Variants in ITGBL1 observed in about 807,000 individuals in gnomAD.
ITGBL1 encodes integrin subunit beta like 1.
Under a neutral mutation model 68.5 loss-of-function variants are expected in ITGBL1, and 51 were observed. The ratio of observed to expected loss-of-function variants is 0.74; its 90% CI spans 0.59 to 0.94. The LOEUF is 0.94. ITGBL1 is among the 40% of genes least tolerant of loss of function. The probability of loss-of-function intolerance (pLI) is 0.00; values close to 1 mark genes in which losing one functional copy is unlikely to be tolerated. For missense variants in ITGBL1, 649 were observed against 647.4 expected, an observed-to-expected ratio of 1.00 and a Z score of -0.03; for synonymous variants, 209 against 227.3, an observed-to-expected ratio of 0.92 and a Z score of 0.72.
chr13:101,537,718 T>C (rs1594874129), intron 2 of ITGBL1, among the ~76,000 whole-genome samples: 2 of 152,154 alleles, frequency 1.3e-5, no homozygotes, highest in East Asian at 1.9e-4. Flanking sequence ...TGGATCACAA[T>C]GTATTAAATT....
rs972401350 is a variant in ITGBL1 at position 101,656,154 on chromosome 13, T to A, written c.1016-36431T>A. Among the ~76,000 whole-genome samples the A allele has an allele frequency of 4.6e-5, 7 of 152,138 alleles. 1 individual carries two copies. The highest frequency in any genetic ancestry group is 1.2e-4 in the African/African-American group (5 of 41,436). On this transcript the variant is annotated intron_variant, in intron 7 of 10. Transcript: ENST00000376180. ...ACCTGGGATATATAGAAAGGAAATG[T>A]TCAGATTAAGATAAGAGACTGTGGA...
downstream of ITGBL1, chr13:101,720,439 CTTAAT>C (rs1435987779): frequency 6.6e-6 from 1 of 151,958 alleles, no homozygotes; most frequent in Non-Finnish European, 1.5e-5. Context: ...TAAATCTTGT[CTTAAT>C]TTAAACCAAT....
At position 101,643,516 on chromosome 13, in the gene ITGBL1, A is replaced by G. The variant is rs558118856; in HGVS notation, c.1015+45217A>G. Among the ~76,000 whole-genome samples, 13 of 152,306 alleles carry G rather than the reference A, an allele frequency of 8.5e-5. No individual in the cohort carries two copies. The East Asian group carries it at 2.5e-3, about 29-fold the overall frequency. On this transcript the variant is annotated intron_variant, in intron 7 of 10. Coordinates refer to ENST00000376180, the MANE Select transcript of ITGBL1 (RefSeq NM_004791.3). ...ACAGTCATGTCATCTGCAAACAGGG[A>G]CAAAGAGGAAGGCTTTATGTGTCTT... is the stretch of plus-strand genomic sequence containing the variant.
chr13:101,606,070 A>G (rs1483180783), intron 7 of ITGBL1, among the ~76,000 whole-genome samples: 1 of 129,550 alleles, frequency 7.7e-6, no homozygotes, highest in Non-Finnish European at 1.6e-5. Context: ...TATATATGTG[A>G]TATATATATA....
intron 6 of ITGBL1, among the ~76,000 whole-genome samples, chr13:101,587,890 T>A (rs1323319546): frequency 6.6e-6 from 1 of 152,212 alleles, no homozygotes; most frequent in Admixed American, 6.5e-5. Context: ...CCAAAGCTTT[T>A]CTCTATTGAT....
intron 3 of ITGBL1, among the ~76,000 whole-genome samples, chr13:101,574,812 C>T (rs111861727): frequency 0.012 from 1,753 of 152,066 alleles, 33 homozygotes; most frequent in African/African-American, 0.04. Context: ...GTGGAGGTCC[C>T]CTGAGAATCT....
chr13:101,606,715 G>T (rs894953335), intron 7 of ITGBL1, among the ~76,000 whole-genome samples: 2 of 151,932 alleles, frequency 1.3e-5, no homozygotes, highest in Admixed American at 1.3e-4. Context: ...GCTGGAGATC[G>T]TCTCTGACCC....
intron 7 of ITGBL1, among the ~76,000 whole-genome samples, chr13:101,657,456 A>AT (rs1436042229): frequency 3.3e-5 from 5 of 152,128 alleles, no homozygotes; most frequent in Admixed American, 1.3e-4. Flanking sequence ...CCCATCAAAC[A>AT]TTTTCTTTAA....
intron 7 of ITGBL1, among the ~76,000 whole-genome samples, chr13:101,668,542 C>A (rs1445759326): frequency 2.6e-5 from 4 of 152,104 alleles, no homozygotes; most frequent in Non-Finnish European, 4.4e-5. Context: ...ATTTCAGGTT[C>A]CTACTTGGGT....
intron 7 of ITGBL1, among the ~76,000 whole-genome samples, chr13:101,617,008 A>T (rs1043329293): frequency 6.6e-6 from 1 of 152,196 alleles, no homozygotes; most frequent in Non-Finnish European, 1.5e-5. Flanking sequence ...AGGAGTCCAT[A>T]GCTTCTTTGG....
rs1267695682 is a variant in ITGBL1, at chr13:101,604,107, GA to G, written c.1015+5811del. 4.6e-5 allele frequency among the ~76,000 whole-genome samples: 7 copies of G among 151,798 alleles called. No individual in the cohort carries two copies. In the East Asian group the frequency reaches 1.4e-3, roughly 29 times the overall value. ...GTTAAAAATGTCAAACCATATAATA[GA>G]AAGATAAGAAAAGCATACAAAATAG... On this transcript the variant is annotated intron_variant, in intron 7 of 10. Transcript: ENST00000376180.
chr13:101,534,612 A>T (rs1443559823), intron 2 of ITGBL1, among the ~76,000 whole-genome samples: 1 of 152,150 alleles, frequency 6.6e-6, no homozygotes, highest in Non-Finnish European at 1.5e-5. Flanking sequence ...ATCTTAGTTC[A>T]TGATGGCCTC....
intron 2 of ITGBL1, among the ~76,000 whole-genome samples, chr13:101,541,175 A>G (rs1325922732): frequency 6.7e-6 from 1 of 149,936 alleles, no homozygotes; most frequent in Non-Finnish European, 1.5e-5. Context: ...ATTCAGTATG[A>G]TATTGGCTGT....
intron 2 of ITGBL1, among the ~76,000 whole-genome samples, chr13:101,548,993 A>G (rs2049875266): frequency 6.6e-6 from 1 of 151,920 alleles, no homozygotes; most frequent in African/African-American, 2.4e-5. Context: ...TTAAAAATAC[A>G]TTATTACACT....
chr13:101,560,373 A>C (rs1233728884), intron 2 of ITGBL1, among the ~76,000 whole-genome samples: 2 of 152,238 alleles, frequency 1.3e-5, no homozygotes, highest in African/African-American at 2.4e-5. Flanking sequence ...AAGTGTTCAA[A>C]TTAAAATACC....
At chr13:101,471,544 G>A (rs7995547) in intron 2 of ITGBL1, among the ~76,000 whole-genome samples, 9,086 of 77,122 alleles carry the variant, frequency 0.12, 327 homozygotes, top group South Asian at 0.24. Flanking sequence ...GTGTGTGTGT[G>A]TGTGTGTGTG....
At position 101,489,934 on chromosome 13, in the gene ITGBL1, A is replaced by C. The variant is rs190424854; in HGVS notation, c.316+35834A>C. 4 of 1,486,112 alleles carry C rather than the reference A, an allele frequency of 2.7e-6. No homozygotes were observed. In the African/African-American group the frequency reaches 5.5e-5, roughly 21 times the overall value. The allele number at this position is 1,486,112 out of a possible 1,614,324, so 92.1% of individuals were successfully genotyped here. A position where few individuals can be genotyped will look rare whatever the true frequency, so the allele number is the denominator to read the frequency against. ...TGCTAGCTTTTAGAACAAGCAGAAA[A>C]CAAAATATTTTTACTTTAAACTTTG... On this transcript the variant is annotated intron_variant, in intron 2 of 10. Coordinates refer to ENST00000376180, the MANE Select transcript of ITGBL1 (RefSeq NM_004791.3).
chr13:101,702,828 G>C (rs2034165977), intron 8 of ITGBL1, among the ~76,000 whole-genome samples: 1 of 152,080 alleles, frequency 6.6e-6, no homozygotes, highest in Non-Finnish European at 1.5e-5. Context: ...ACTCTTTAAG[G>C]ACATCTGGAC....
chr13:101,472,423 G>A (rs568727011), intron 2 of ITGBL1, among the ~76,000 whole-genome samples: 61 of 152,154 alleles, frequency 4.0e-4, no homozygotes, highest in African/African-American at 1.3e-3. Context: ...ATTTTCGTGC[G>A]TTTTCTACCT....
Sources: gnomAD v4.1 joint callset for allele counts (sites outside exome capture counted in the v4.1 genomes callset) on GRCh38, gnomAD v4.1.1 for gene constraint, MANE v1.5 for transcripts, NCBI Gene and HGNC (gene_info 2026-07-23, HGNC 2026-07-21) for gene names.